The following PITPNC1 variants were observed in gnomAD, a reference collection of about 807,000 sequenced individuals.
The protein encoded by PITPNC1 is cytoplasmic phosphatidylinositol transfer protein 1.
In PITPNC1, 18 loss-of-function variants were observed where a neutral mutation model predicts 44.7. The observed-to-expected ratio is 0.40, with a 90% CI of 0.28 to 0.60. The LOEUF (loss-of-function observed/expected upper bound fraction) is 0.60. PITPNC1 is among the 20% of genes least tolerant of loss of function. PITPNC1 has a pLI of 0.39. For synonymous variants in PITPNC1, 141 were observed against 149.6 expected (o/e 0.94, Z 0.42); for missense variants, 290 against 418.4 (o/e 0.69, Z 2.68).
chr17:67,550,220 G>C (rs550665055), intron 2 of PITPNC1, among the ~76,000 whole-genome samples: 59 of 152,324 alleles, frequency 3.9e-4, no homozygotes, highest in South Asian at 1.9e-3. Context: ...GGATTGTTAT[G>C]TGAATGATCA....
intron 1 of PITPNC1, among the ~76,000 whole-genome samples, chr17:67,499,196 T>C (rs1568015362): frequency 6.7e-6 from 1 of 149,824 alleles, no homozygotes; most frequent in Non-Finnish European, 1.5e-5. Flanking sequence ...TGAAGAAATA[T>C]CTATTCAAGT....
At chr17:67,624,252 C>G (rs2041869251) in intron 5 of PITPNC1, among the ~76,000 whole-genome samples, 2 of 132,756 alleles carry the variant, frequency 1.5e-5, no homozygotes, top group African/African-American at 5.6e-5. Context: ...CACTCTGTCA[C>G]CCAGGCTGGA....
intron 6 of PITPNC1, among the ~76,000 whole-genome samples, chr17:67,656,267 C>T (rs935218837): frequency 2.0e-5 from 3 of 152,162 alleles, no homozygotes; most frequent in African/African-American, 2.4e-5. Context: ...TGAGAGATTT[C>T]GAGGCTCTAG....
At position 67,637,556 on chromosome 17, in the gene PITPNC1, C is replaced by A. The variant is rs146127611; in HGVS notation, c.462+5318C>A. 4.9e-3 allele frequency among the ~76,000 whole-genome samples: 753 copies of A among 152,204 alleles called. 6 individuals carry two copies. The highest frequency in any genetic ancestry group is 0.017 in the African/African-American group (720 of 41,532). On this transcript the variant is annotated intron_variant, in intron 6 of 8. Transcript: ENST00000581322. ...ATGAAAGCACTTTCCTTTCTTTTTC[C>A]ATTTCTCCCTGGAAACCTTTGAGCC...
intron 1 of PITPNC1, among the ~76,000 whole-genome samples, chr17:67,497,258 C>T (rs1171540047): frequency 1.3e-5 from 2 of 149,184 alleles, no homozygotes; most frequent in South Asian, 2.1e-4. Flanking sequence ...CTCATTCAGT[C>T]GCCCAGGCTG....
chr17:67,557,614 G>C (rs567054646), intron 4 of PITPNC1, among the ~76,000 whole-genome samples: 2 of 152,230 alleles, frequency 1.3e-5, no homozygotes, highest in Admixed American at 1.3e-4. Flanking sequence ...TCTGGCTCTA[G>C]TGCAGTCCTC....
Position 67,598,038 on chromosome 17 carries a change from G to A in PITPNC1, c.366+19781G>A, listed in dbSNP as rs370950175. Among the ~76,000 whole-genome samples, 7 of 152,054 alleles carry A rather than the reference G, an allele frequency of 4.6e-5. No homozygotes were observed. In the East Asian group the frequency reaches 9.7e-4, roughly 21 times the overall value. The stretch of plus-strand genomic sequence containing the variant: ...GGAGATCAAGACCATCCTGGCCAAC[G>A]TGGTGAAACCCCGTCTCTACTAAAA... On this transcript the variant is annotated intron_variant, in intron 5 of 8. Coordinates refer to ENST00000581322, the MANE Select transcript of PITPNC1 (RefSeq NM_012417.4).
chr17:67,667,524 TCATA>T (rs2042441701), intron 6 of PITPNC1, among the ~76,000 whole-genome samples: 2 of 136,256 alleles, frequency 1.5e-5, no homozygotes, highest in South Asian at 4.7e-4. Flanking sequence ...GAAAATTAGC[TCATA>T]CATACATATT....
At chr17:67,385,295 G>A (rs1188344369) in intron 1 of PITPNC1, among the ~76,000 whole-genome samples, 1 of 152,144 alleles carries the variant, frequency 6.6e-6, no homozygotes, top group Non-Finnish European at 1.5e-5. Context: ...GCGCTAATCA[G>A]CACTCTGCAA....
At chr17:67,575,099 G>A (rs917950912) in intron 4 of PITPNC1, among the ~76,000 whole-genome samples, 4 of 151,946 alleles carry the variant, frequency 2.6e-5, no homozygotes, top group Non-Finnish European at 2.9e-5. Context: ...CTGGTGCACC[G>A]AGACCCACAC....
At chr17:67,635,199 G>A (rs917480343) in intron 6 of PITPNC1, among the ~76,000 whole-genome samples, 1 of 152,202 alleles carries the variant, frequency 6.6e-6, no homozygotes, top group Non-Finnish European at 1.5e-5. Flanking sequence ...AGACCACCAA[G>A]GTCACTATTG....
chr17:67,641,528 G>A (rs2042092219), intron 6 of PITPNC1, among the ~76,000 whole-genome samples: 2 of 152,128 alleles, frequency 1.3e-5, no homozygotes, highest in African/African-American at 4.8e-5. Flanking sequence ...CAGGTTCAGT[G>A]GCTCACGCCT....
chr17:67,583,844 C>A (rs1018724797), intron 5 of PITPNC1, among the ~76,000 whole-genome samples: 2 of 150,622 alleles, frequency 1.3e-5, no homozygotes, highest in African/African-American at 4.9e-5. Flanking sequence ...TACAGGCGCC[C>A]GCCACCACGC....
intron 6 of PITPNC1, among the ~76,000 whole-genome samples, chr17:67,646,412 G>A (rs1254594439): frequency 6.6e-6 from 1 of 152,138 alleles, no homozygotes; most frequent in Non-Finnish European, 1.5e-5. Flanking sequence ...TTATTAAGAG[G>A]CCCAGAGAAA....
intron 2 of PITPNC1, among the ~76,000 whole-genome samples, chr17:67,541,182 T>TCCAGC (rs1231327054): frequency 2.0e-5 from 3 of 151,992 alleles, no homozygotes; most frequent in Non-Finnish European, 4.4e-5. Flanking sequence ...ACCACTGCAC[T>TCCAGC]CCAGCCCGGG....
At chr17:67,608,223 T>C (rs1299078506) in intron 5 of PITPNC1, among the ~76,000 whole-genome samples, 3 of 110,466 alleles carry the variant, frequency 2.7e-5, no homozygotes, top group African/African-American at 1.1e-4. Flanking sequence ...AAGAAATTAC[T>C]AAATGTCAAT....
At chr17:67,383,356 T>C (rs139650770) in intron 1 of PITPNC1, among the ~76,000 whole-genome samples, 13 of 152,330 alleles carry the variant, frequency 8.5e-5, no homozygotes, top group East Asian at 3.9e-4. Context: ...AAGGCTGTTC[T>C]ACTATATGGA....
rs1192206367 is a variant in PITPNC1 at position 67,695,993 on chromosome 17, G to A, written c.*3105G>A. ...AAAGGAAAAGGAACACAATGAAGGA[G>A]GCCGTGACATTTTTAGTTGCCACCG... is the stretch of plus-strand genomic sequence containing the variant. On this transcript the variant is annotated 3_prime_UTR_variant, in exon 9 of 9. Coordinates refer to ENST00000581322, the MANE Select transcript of PITPNC1 (RefSeq NM_012417.4). 1 of 152,180 alleles carries A rather than the reference G, an allele frequency of 6.6e-6. No individual in the cohort carries two copies. The highest frequency in any genetic ancestry group is 2.4e-5 in the African/African-American group (1 of 41,442). The allele number at this position is 152,180 out of a possible 1,614,324, so 9.4% of individuals were successfully genotyped here.
intron 6 of PITPNC1, among the ~76,000 whole-genome samples, chr17:67,647,211 A>T (rs898274124): frequency 1.2e-4 from 18 of 152,150 alleles, no homozygotes; most frequent in Non-Finnish European, 2.9e-5. Context: ...AACATAGTGG[A>T]TTGGCCAAAA....
Sources: allele counts gnomAD v4.1 joint callset (sites outside exome capture counted in the v4.1 genomes callset), GRCh38; gene constraint gnomAD v4.1.1; transcripts MANE v1.5; gene names NCBI Gene and HGNC (gene_info 2026-07-23, HGNC 2026-07-21).